GARIN1B: variants seen among roughly 807,000 people sequenced by gnomAD.
GARIN1B encodes Golgi-associated RAB2 interactor protein 1B.
the GARIN1B span, among the ~76,000 whole-genome samples, chr7:128,712,334 T>C: frequency 6.6e-6 from 1 of 152,152 alleles, no homozygotes; most frequent in Non-Finnish European, 1.5e-5. Context: ...ACATAAAATG[T>C]ACCATTTTAA....
At chr7:128,710,758 C>A in the GARIN1B span, among the ~76,000 whole-genome samples, 2 of 151,118 alleles carry the variant, frequency 1.3e-5, no homozygotes, top group South Asian at 2.1e-4. Context: ...AATCTGGGCT[C>A]ACCGCAACCT....
the GARIN1B span, chr7:128,723,441 G>T: frequency 1.6e-6 from 2 of 1,230,812 alleles, no homozygotes; most frequent in Non-Finnish European, 2.2e-6. Flanking sequence ...GACCAGGCAC[G>T]GTGGCTCACG....
At chr7:128,729,113 G>A in the GARIN1B span, among the ~76,000 whole-genome samples, 1 of 152,188 alleles carries the variant, frequency 6.6e-6, no homozygotes. Context: ...TTCCTAGGCT[G>A]AAATTGAATT....
At chr7:128,728,731 A>G in the GARIN1B span, among the ~76,000 whole-genome samples, 1 of 152,240 alleles carries the variant, frequency 6.6e-6, no homozygotes, top group Non-Finnish European at 1.5e-5. Flanking sequence ...ATATTCAAGC[A>G]TAGTATTGGC....
chr7:128,722,601 C>A, the GARIN1B span, among the ~76,000 whole-genome samples: 1 of 152,036 alleles, frequency 6.6e-6, no homozygotes, highest in Non-Finnish European at 1.5e-5. Context: ...GTCAGGAGAT[C>A]GAGACCAGCC....
At chr7:128,723,528 G>A in the GARIN1B span, 19 of 349,842 alleles carry the variant, frequency 5.4e-5, no homozygotes, top group East Asian at 4.5e-4. Context: ...GCCTGGCCTC[G>A]ATATACTGCC....
chr7:128,716,683 G>T, the GARIN1B span: 2 of 698,038 alleles, frequency 2.9e-6, no homozygotes, highest in East Asian at 5.8e-5. Context: ...AGTGTGCAGG[G>T]CAGTATCCTA....
the GARIN1B span, among the ~76,000 whole-genome samples, chr7:128,724,026 G>T: frequency 0.65 from 98,224 of 152,080 alleles, 32,283 homozygotes; most frequent in East Asian, 0.77. Context: ...ATTTGTTTAC[G>T]TGAGACAAGA....
At chr7:128,713,157 A>T in the GARIN1B span, among the ~76,000 whole-genome samples, 4 of 152,126 alleles carry the variant, frequency 2.6e-5, no homozygotes, top group Non-Finnish European at 5.9e-5. Context: ...AAATACAAAA[A>T]TTAGCCAGGC....
chr7:128,724,904 A>G, the GARIN1B span: 11 of 1,277,998 alleles, frequency 8.6e-6, no homozygotes, highest in Non-Finnish European at 1.0e-5. Flanking sequence ...ACATGGGCCC[A>G]AGTCATTGCT....
the GARIN1B span, chr7:128,719,189 C>A: frequency 1.0e-5 from 11 of 1,097,846 alleles, no homozygotes; most frequent in Non-Finnish European, 1.4e-5. Flanking sequence ...AGTGTGAGGC[C>A]TTTTCTAAAC....
chr7:128,719,100 G>T, the GARIN1B span: 1 of 1,610,394 alleles, frequency 6.2e-7, no homozygotes, highest in Non-Finnish European at 8.5e-7. Context: ...GAGCACCATT[G>T]CCACCCTGCA....
chr7:128,730,147 G>C, the GARIN1B span: 16 of 1,471,254 alleles, frequency 1.1e-5, no homozygotes, highest in South Asian at 2.0e-4. Flanking sequence ...AGATCCTGGG[G>C]TCCTGAGGGT....
At chr7:128,722,531 C>T in the GARIN1B span, among the ~76,000 whole-genome samples, 12 of 152,270 alleles carry the variant, frequency 7.9e-5, no homozygotes, top group African/African-American at 2.4e-4. Context: ...TTAGGCCAGG[C>T]GCGGTGGCTC....
chr7:128,717,444 CTT>C, the GARIN1B span, among the ~76,000 whole-genome samples: 2,809 of 136,668 alleles, frequency 0.021, 38 homozygotes, highest in South Asian at 0.052. Context: ...TTCTTTCTTT[CTT>C]TTTTTTTTTT....
At chr7:128,709,748 C>CTCTG in the GARIN1B span, among the ~76,000 whole-genome samples, 24 of 68,668 alleles carry the variant, frequency 3.5e-4, 4 homozygotes, top group Non-Finnish European at 3.2e-4. Flanking sequence ...CTCTCTCTCT[C>CTCTG]TCTTTTTTTT....
the GARIN1B span, among the ~76,000 whole-genome samples, chr7:128,717,758 G>T: frequency 4.4e-3 from 647 of 145,584 alleles, 6 homozygotes; most frequent in African/African-American, 0.016. Flanking sequence ...GGTTTTTTTT[G>T]TTTTTTTTTT....
chr7:128,723,463 G>A, the GARIN1B span: 19 of 969,704 alleles, frequency 2.0e-5, no homozygotes, highest in East Asian at 2.8e-5. Context: ...CTGTATTCCC[G>A]GCACTTTGGG....
chr7:128,713,838 AT>A, the GARIN1B span: 2 of 605,338 alleles, frequency 3.3e-6, no homozygotes, highest in Admixed American at 5.5e-5. Flanking sequence ...AATGAGCTTT[AT>A]TGTTGTGGTT....
Sources: gnomAD v4.1 joint callset for allele counts (sites outside exome capture counted in the v4.1 genomes callset) on GRCh38, gnomAD v4.1.1 for gene constraint, MANE v1.5 for transcripts, NCBI Gene and HGNC (gene_info 2026-07-23, HGNC 2026-07-21) for gene names.